SRPK1: variants seen among roughly 807,000 people sequenced by gnomAD.
SRPK1 encodes the protein SRSF protein kinase 1, also known as SFRS protein kinase 1.
SRPK1 carries 52 observed loss-of-function variants against 89.5 expected under a neutral mutation model. The ratio of observed to expected loss-of-function variants is 0.58; its 90% CI spans 0.46 to 0.73. SRPK1 has a LOEUF of 0.73. Ranked by LOEUF, SRPK1 falls within the 30% of genes least tolerant of loss-of-function variation. The probability of loss-of-function intolerance (pLI) is 0.00; values close to 1 mark genes in which losing one functional copy is unlikely to be tolerated. For missense variants in SRPK1, 603 were observed against 780.6 expected, an observed-to-expected ratio of 0.77 and a Z score of 2.71; for synonymous variants, 255 against 270.2, an observed-to-expected ratio of 0.94 and a Z score of 0.55.
At position 35,888,062 on chromosome 6, in the gene SRPK1, T is replaced by C. The variant is rs1423578340; in HGVS notation, c.352A>G (p.Thr118Ala). 9.3e-6 allele frequency: 15 copies of C among 1,607,656 alleles called. No homozygotes were observed. Among genetic ancestry groups the C allele is most frequent in the Non-Finnish European group, 1.2e-5 (14 of 1,178,358 alleles). ...CGGATTTCATCTAGTGCTGTTTCAGTGTAATGTTCAGCACTTTTAACTACT... is the reference window on the plus strand; with the variant it reads ...CGGATTTCATCTAGTGCTGTTTCAGCGTAATGTTCAGCACTTTTAACTACT... ...MKVVKSAEHY[T>A]ETALDEIRLL... Residue 118 changes from threonine to alanine, a missense_variant, in exon 5 of 16, where the codon ACT becomes GCT. Physicochemically the swap from Thr to Ala is moderately conservative, Grantham distance 58. Coordinates refer to ENST00000373825, the MANE Select transcript of SRPK1 (RefSeq NM_003137.5).
In SRPK1 at chr6:35,887,998, A is replaced by T. The variant is rs747608504; in HGVS notation, c.390+26T>A. The T allele has an allele frequency of 2.8e-5, 42 of 1,493,402 alleles. 1 individual carries two copies. The Admixed American group carries it at 3.7e-4, about 13-fold the overall frequency. 92.5% of individuals were successfully genotyped at this position (1,493,402 alleles called of 1,614,324 possible). On this transcript the variant is annotated intron_variant, in intron 5 of 15. Coordinates refer to ENST00000373825, the MANE Select transcript of SRPK1 (RefSeq NM_003137.5). Reference sequence around the variant, plus strand: ...ACTTGATTTATTTATAATTCTTCACATTCATACATATAATCTAATACTCAC... The same window carrying T: ...ACTTGATTTATTTATAATTCTTCACTTTCATACATATAATCTAATACTCAC...
chr6:35,889,433 A>C (rs1208987678), intron 3 of SRPK1, among the ~76,000 whole-genome samples: 1 of 151,668 alleles, frequency 6.6e-6, no homozygotes, highest in Non-Finnish European at 1.5e-5. Flanking sequence ...GGATCATTTG[A>C]GGTCAGGAGT....
In SRPK1 at chr6:35,870,325, G is replaced by C. The variant is rs781136354; in HGVS notation, c.947C>G (p.Pro316Arg). 8.7e-6 allele frequency: 14 copies of C among 1,613,332 alleles called. No individual in the cohort carries two copies. Among genetic ancestry groups the C allele is most frequent in the African/African-American group, 1.3e-5 (1 of 74,888 alleles). Residue 316 changes from proline (P) to arginine (R), a missense_variant, in exon 10 of 16, where the codon CCC (proline) becomes CGC (arginine). By Grantham distance (103) the Pro-to-Arg change is moderately radical. Transcript: ENST00000373825. ...QEESESPVER[P>R]LKENPPNKMT... ...TTTATTAGGTGGGTTCTCTTTCAAG[G>C]GTCTTTCAACAGGACTCTCTGATTC...
At chr6:35,899,301 A>G (rs767314562) in intron 2 of SRPK1, among the ~76,000 whole-genome samples, 8 of 152,090 alleles carry the variant, frequency 5.3e-5, no homozygotes, top group Non-Finnish European at 1.0e-4. Context: ...CTCTCTATAC[A>G]TATCTTCTTA....
chr6:35,852,742 A>C (rs956011937), intron 13 of SRPK1, among the ~76,000 whole-genome samples: 1 of 152,210 alleles, frequency 6.6e-6, no homozygotes, highest in Non-Finnish European at 1.5e-5. Flanking sequence ...TAAGGATTTT[A>C]GTAGCCTTAA....
At chr6:35,902,016 C>T (rs1036488318) in intron 2 of SRPK1, among the ~76,000 whole-genome samples, 1 of 151,998 alleles carries the variant, frequency 6.6e-6, no homozygotes, top group East Asian at 1.9e-4. Context: ...ATACTCCAAA[C>T]TCTACCATAT....
In SRPK1 at chr6:35,888,894, G is replaced by C; in HGVS notation, c.223C>G (p.Leu75Val). The stretch of plus-strand genomic sequence containing the variant: ...ATCACATGGTATCTCCCATTGAATA[G>C]ATCTCCAATTTTCACAAGATGATAA... ...GGYHLVKIGDLFNGRYHVIRK... is the reference protein window; with the variant it reads ...GGYHLVKIGDVFNGRYHVIRK... The change falls in exon 4 of 16, where the codon CTA becomes GTA. Residue 75 changes from leucine (L) to valine (V), a missense_variant. Coordinates refer to ENST00000373825, the MANE Select transcript of SRPK1 (RefSeq NM_003137.5). The C allele has an allele frequency of 6.2e-7, 1 of 1,612,772 alleles. No homozygotes were observed. Among genetic ancestry groups the C allele is most frequent in the Non-Finnish European group, 8.5e-7 (1 of 1,178,978 alleles).
In SRPK1 at chr6:35,834,468, A is replaced by G. The variant is rs887978352; in HGVS notation, c.*836T>C. ...CCTTTAGTTATGGGGCAATAAACTC[A>G]AGTGCAATGAGTAAAGTGCCAGCCA... On this transcript the variant is annotated 3_prime_UTR_variant, in exon 16 of 16. Transcript: ENST00000373825. 3.3e-5 allele frequency: 5 copies of G among 152,220 alleles called. No individual in the cohort carries two copies. Among genetic ancestry groups the G allele is most frequent in the Non-Finnish European group, 7.3e-5 (5 of 68,040 alleles). 9.4% of individuals were successfully genotyped at this position (152,220 alleles called of 1,614,324 possible). A position where few individuals can be genotyped will look rare whatever the true frequency, so the allele number is the denominator to read the frequency against.
intron 6 of SRPK1, among the ~76,000 whole-genome samples, chr6:35,876,762 C>T (rs1019258490): frequency 6.6e-6 from 1 of 152,178 alleles, no homozygotes; most frequent in African/African-American, 2.4e-5. Context: ...AATACAAAAA[C>T]AACAGAAGAC....
intron 7 of SRPK1, among the ~76,000 whole-genome samples, chr6:35,873,492 CTTTT>C (rs141573769): frequency 6.8e-6 from 1 of 147,292 alleles, no homozygotes; most frequent in African/African-American, 2.5e-5. Flanking sequence ...TAGCAATTAA[CTTTT>C]TTTTTTTTTT....
At chr6:35,857,466 T>C (rs1769689020) in intron 12 of SRPK1, 98 bp from the exon 13 acceptor site, 5 of 999,790 alleles carry the variant, frequency 5.0e-6, no homozygotes, top group Non-Finnish European at 7.5e-6. Flanking sequence ...CTCTGAAGTT[T>C]TTCCCAAACC....
intron 2 of SRPK1, chr6:35,920,222 G>A (rs374596324): frequency 1.0e-5 from 6 of 601,534 alleles, no homozygotes; most frequent in African/African-American, 7.4e-5. Context: ...GGTACCGGGC[G>A]GGCTCTGGTC....
chr6:35,911,968 ATTGT>A (rs1770978595), intron 2 of SRPK1, among the ~76,000 whole-genome samples: 1 of 152,060 alleles, frequency 6.6e-6, no homozygotes, highest in Non-Finnish European at 1.5e-5. Context: ...AGCAAACTTC[ATTGT>A]TTAAGAAATT....
intron 2 of SRPK1, among the ~76,000 whole-genome samples, chr6:35,895,134 T>TTACGAATTCCAAGAAACAAACA (rs1370800906): frequency 3.3e-5 from 5 of 152,176 alleles, no homozygotes; most frequent in African/African-American, 1.2e-4. Context: ...AAAAACATAA[T>TTACGAATTCCAAGAAACAAACA]TACGAATTCC....
intron 2 of SRPK1, among the ~76,000 whole-genome samples, chr6:35,896,903 G>A (rs188858846): frequency 6.6e-6 from 1 of 151,714 alleles, no homozygotes; most frequent in African/African-American, 2.4e-5. Context: ...ACTGATACCT[G>A]CTTTAACAAG....
At chr6:35,838,467 A>G (rs1274024424) in intron 14 of SRPK1, 38 bp from the exon 15 acceptor site, 3 of 1,506,976 alleles carry the variant, frequency 2.0e-6, no homozygotes, top group Admixed American at 2.4e-5. Flanking sequence ...GGGAAAAAAA[A>G]GATCCGTAAC....
chr6:35,890,915 T>C lies in SRPK1; in HGVS notation c.173A>G (p.Asp58Gly). ...ILGSDDDEQE[D>G]PNDYCKGGYH... is the part of the protein sequence containing the mutation. ...CTTACCTTTACAATAATCATTAGGA[T>C]CTTCTTGCTCATCATCATCAGATCC... Residue 58 changes from aspartate to glycine, a missense_variant, in exon 3 of 16, where the codon GAT becomes GGT. Physicochemically the swap from Asp to Gly is moderately conservative, Grantham distance 94 (BLOSUM62 -1). Transcript: ENST00000373825. The C allele has an allele frequency of 7.7e-6, 12 of 1,552,236 alleles. No homozygotes were observed. Among genetic ancestry groups the C allele is most frequent in the Non-Finnish European group, 1.0e-5 (12 of 1,147,200 alleles).
chr6:35,895,439 G>GTGTA (rs1388355384), intron 2 of SRPK1, among the ~76,000 whole-genome samples: 9 of 81,730 alleles, frequency 1.1e-4, no homozygotes, highest in African/African-American at 3.2e-4. Flanking sequence ...ATATGCTTGT[G>GTGTA]TGTGTGTGTG....
At chr6:35,892,653 A>AAAC (rs34158380) in intron 2 of SRPK1, among the ~76,000 whole-genome samples, 53,278 of 148,408 alleles carry the variant, frequency 0.36, 10,603 homozygotes, top group Non-Finnish European at 0.44. Flanking sequence ...TTCTGTCTAA[A>AAAC]AACAACAACA....
Sources: allele counts gnomAD v4.1 joint callset (sites outside exome capture counted in the v4.1 genomes callset), GRCh38; gene constraint gnomAD v4.1.1; transcripts MANE v1.5; gene names NCBI Gene and HGNC (gene_info 2026-07-23, HGNC 2026-07-21).